Variants in UTRN observed in about 807,000 individuals in gnomAD.
The protein encoded by UTRN is dystrophin-related protein 1.
Under a neutral mutation model 463.9 loss-of-function variants are expected in UTRN, and 283 were observed. The observed-to-expected ratio is 0.61, with a 90% CI of 0.55 to 0.67. UTRN has a LOEUF of 0.67. UTRN is among the 30% of genes least tolerant of loss of function. UTRN has a pLI of 0.00. For synonymous variants in UTRN, 1,442 were observed against 1,431.5 expected (o/e 1.01, Z -0.17); for missense variants, 3,922 against 4,084.3 (o/e 0.96, Z 1.08).
chr6:144,574,783 T>C (rs1206865970), intron 50 of UTRN, among the ~76,000 whole-genome samples: 1 of 152,158 alleles, frequency 6.6e-6, no homozygotes, highest in African/African-American at 2.4e-5. Flanking sequence ...AATTTCACTA[T>C]GTTGTCCAGG....
Position 144,797,926 on chromosome 6 carries a change from G to T in UTRN, c.9181G>T (p.Ala3061Ser). The change falls in exon 64 of 75, where the codon GCG becomes TCG. Residue 3061 changes from alanine (A) to serine (S), a missense_variant. Transcript: ENST00000367545. ...WLPVLHRVAA[A>S]ETAKHQAKCN... ...CCCAGTTTTACATCGAGTGGCAGCAGCGGAGACTGCAAAACATCAGGCCAA... is the reference window on the plus strand; with the variant it reads ...CCCAGTTTTACATCGAGTGGCAGCATCGGAGACTGCAAAACATCAGGCCAA... 1 of 1,614,184 alleles carries T rather than the reference G, an allele frequency of 6.2e-7. No individual in the cohort carries two copies. Among genetic ancestry groups the T allele is most frequent in the Non-Finnish European group, 8.5e-7 (1 of 1,180,010 alleles).
intron 73 of UTRN, among the ~76,000 whole-genome samples, chr6:144,845,933 A>G (rs1338180475): frequency 1.3e-5 from 2 of 151,678 alleles, no homozygotes; most frequent in African/African-American, 4.8e-5. Flanking sequence ...CCTTTCTCCC[A>G]CTCAGCATAG....
At chr6:144,628,158 A>C (rs1384371497) in intron 51 of UTRN, among the ~76,000 whole-genome samples, 1 of 151,994 alleles carries the variant, frequency 6.6e-6, no homozygotes, top group Non-Finnish European at 1.5e-5. Context: ...TTATCTCTTT[A>C]TCATCTATGG....
At chr6:144,335,418 TG>T (rs1776642060) in intron 2 of UTRN, among the ~76,000 whole-genome samples, 1 of 152,254 alleles carries the variant, frequency 6.6e-6, no homozygotes, top group African/African-American at 2.4e-5. Context: ...TGTTTGTGCC[TG>T]TCTTGCCTCT....
intron 5 of UTRN, 30 bp downstream of exon 5, chr6:144,423,656 T>C: frequency 6.2e-7 from 1 of 1,609,470 alleles, no homozygotes; most frequent in Non-Finnish European, 8.5e-7. Context: ...TCTGGGGGTC[T>C]GTGCTGCCAT....
chr6:144,715,430 T>G lies in UTRN; in HGVS notation c.7810-14927T>G, dbSNP rs1355235060. Among the ~76,000 whole-genome samples, 10 of 152,322 alleles carry G rather than the reference T, an allele frequency of 6.6e-5. No homozygotes were observed. The South Asian group carries it at 1.4e-3, about 22-fold the overall frequency. ...AACTCTGTAGGGGCTTCCTAACTTA[T>G]TCAGAGGAAAAGCCACAGCTCTCGG... On this transcript the variant is annotated intron_variant, in intron 53 of 74. Coordinates refer to ENST00000367545, the MANE Select transcript of UTRN (RefSeq NM_007124.3).
chr6:144,833,574 A>C (rs1263240301), intron 69 of UTRN, among the ~76,000 whole-genome samples: 1 of 152,206 alleles, frequency 6.6e-6, no homozygotes, highest in East Asian at 1.9e-4. Flanking sequence ...TATTTACAGG[A>C]TGTTCTACTG....
At position 144,439,988 on chromosome 6, in the gene UTRN, T is replaced by A. The variant is rs181750840; in HGVS notation, c.1393-364T>A. ...TACACTAGATAAAATGATCTCTGAC[T>A]TGGTTTATTTAAGCTCTGGACTTTT... On this transcript the variant is annotated intron_variant, in intron 12 of 74. Transcript: ENST00000367545. Among the ~76,000 whole-genome samples the A allele has an allele frequency of 4.4e-3, 673 of 152,330 alleles. 5 individuals are homozygous for A. The highest frequency in any genetic ancestry group is 5.0e-3 in the Non-Finnish European group (342 of 68,026).
intron 19 of UTRN, among the ~76,000 whole-genome samples, chr6:144,456,904 C>T (rs1584864464): frequency 6.6e-6 from 1 of 151,958 alleles, no homozygotes; most frequent in Non-Finnish European, 1.5e-5. Flanking sequence ...GTTTTGTAAA[C>T]GTTTCCCTTG....
In UTRN at chr6:144,542,785, G is replaced by C; in HGVS notation, c.6520-10G>C. On this transcript the variant is annotated splice_polypyrimidine_tract_variant and intron_variant, in intron 45 of 74. Coordinates refer to ENST00000367545, the MANE Select transcript of UTRN (RefSeq NM_007124.3). Reference sequence around the variant, plus strand: ...GTATTCTTCTCTTTCTGTTTGTCCTGATGCGGTAGATTTGCAGAGAGGTGC... The same window carrying C: ...GTATTCTTCTCTTTCTGTTTGTCCTCATGCGGTAGATTTGCAGAGAGGTGC... 1.2e-6 allele frequency: 2 copies of C among 1,612,394 alleles called. No homozygotes were observed. The highest frequency in any genetic ancestry group is 1.7e-6 in the Non-Finnish European group (2 of 1,179,344).
At chr6:144,510,140 A>T (rs1795051932) in intron 34 of UTRN, among the ~76,000 whole-genome samples, 1 of 152,190 alleles carries the variant, frequency 6.6e-6, no homozygotes, top group African/African-American at 2.4e-5. Flanking sequence ...CCTTAAAATG[A>T]TTGGTTTAAA....
rs1428641511 is a variant in UTRN, at chr6:144,690,072, C to CTATTT, written c.7653-10014_7653-10013insATTTT. ...GGGGCCATAGAGCTCCCAAAAGTTT[C>CTATTT]TGTTTTTTTTTTTTTTTTTTTTTTG... is the stretch of plus-strand genomic sequence containing the variant. On this transcript the variant is annotated intron_variant, in intron 52 of 74. Transcript: ENST00000367545. Among the ~76,000 whole-genome samples, 66 of 35,640 alleles carry CTATTT rather than the reference C, an allele frequency of 1.9e-3. 12 individuals are homozygous for CTATTT. Among genetic ancestry groups the CTATTT allele is most frequent in the South Asian group, 0.011 (8 of 698 alleles). The allele number at this position is 35,640 out of a possible 152,430, so 23.4% of individuals were successfully genotyped here. A position where few individuals can be genotyped will look rare whatever the true frequency, so the allele number is the denominator to read the frequency against.
rs146300857 is a variant in UTRN at position 144,633,042 on chromosome 6, A to G, written c.7480-45364A>G. Among the ~76,000 whole-genome samples the G allele has an allele frequency of 7.9e-5, 12 of 152,152 alleles. No homozygotes were observed. The East Asian group carries it at 2.3e-3, about 29-fold the overall frequency. ...GGCCCAACTTTTACCTTTTTAAAGT[A>G]TGTTTTTAAACAACCAATAATATTT... On this transcript the variant is annotated intron_variant, in intron 51 of 74. Coordinates refer to ENST00000367545, the MANE Select transcript of UTRN (RefSeq NM_007124.3).
At chr6:144,644,789 G>A (rs1382512668) in intron 51 of UTRN, among the ~76,000 whole-genome samples, 2 of 152,176 alleles carry the variant, frequency 1.3e-5, no homozygotes, top group African/African-American at 4.8e-5. Flanking sequence ...ATGCCAAGCA[G>A]TAATAAAATG....
intron 52 of UTRN, among the ~76,000 whole-genome samples, chr6:144,694,045 G>A (rs1187035443): frequency 1.3e-5 from 2 of 151,984 alleles, no homozygotes; most frequent in East Asian, 3.9e-4. Context: ...ATGGTTCTTA[G>A]TATTTAGAGG....
chr6:144,475,949 G>A (rs777129585), intron 25 of UTRN, among the ~76,000 whole-genome samples: 2 of 151,476 alleles, frequency 1.3e-5, no homozygotes, highest in Admixed American at 6.6e-5. Context: ...GGTGGTGTGC[G>A]CCTATAGTCC....
chr6:144,516,966 T>C lies in UTRN; in HGVS notation c.5541+18T>C. On this transcript the variant is annotated intron_variant, in intron 39 of 74. Transcript: ENST00000367545. ...AAATTAAGGTATTATGATTGGAGAG[T>C]CTCTGTTGCATTTAAATACCTTACT... is the stretch of plus-strand genomic sequence containing the variant. 1 of 1,427,162 alleles carries C rather than the reference T, an allele frequency of 7.0e-7. No individual in the cohort carries two copies. The highest frequency in any genetic ancestry group is 1.7e-5 in the South Asian group (1 of 57,504). The allele number at this position is 1,427,162 out of a possible 1,614,324, so 88.4% of individuals were successfully genotyped here.
rs73593841 is a variant in UTRN, at chr6:144,770,619, A to G, written c.8496-1288A>G. Among the ~76,000 whole-genome samples the G allele has an allele frequency of 7.6e-3, 1,159 of 152,018 alleles. 7 individuals carry two copies. The highest frequency in any genetic ancestry group is 0.024 in the African/African-American group (989 of 41,554). On this transcript the variant is annotated intron_variant, in intron 58 of 74. Coordinates refer to ENST00000367545, the MANE Select transcript of UTRN (RefSeq NM_007124.3). ...CACCAAAGTCATGAACTGTTTACCT[A>G]AGAAACTTAATTGAAGCATTCCATT...
At chr6:144,713,028 G>T (rs1296515392) in intron 53 of UTRN, among the ~76,000 whole-genome samples, 1 of 152,126 alleles carries the variant, frequency 6.6e-6, no homozygotes, top group Non-Finnish European at 1.5e-5. Context: ...CATTAGAATA[G>T]GTACTAATTG....
Sources: gnomAD v4.1 joint callset for allele counts (sites outside exome capture counted in the v4.1 genomes callset) on GRCh38, gnomAD v4.1.1 for gene constraint, MANE v1.5 for transcripts, NCBI Gene and HGNC (gene_info 2026-07-23, HGNC 2026-07-21) for gene names.